The following ACER3 variants were observed in gnomAD, a reference collection of about 807,000 sequenced individuals.
ACER3 encodes the protein alkCDase 3.
Under a neutral mutation model 48.9 loss-of-function variants are expected in ACER3, and 16 were observed. That is an observed-to-expected ratio of 0.33 (90% CI 0.22 to 0.50). The LOEUF (loss-of-function observed/expected upper bound fraction) is 0.50. Among genes scored for constraint, ACER3 ranks in the 20% least tolerant of loss-of-function variants. The pLI, the probability that ACER3 is intolerant of heterozygous loss-of-function variation, is 0.98. For missense variants in ACER3, 227 were observed against 326.0 expected (o/e 0.70, Z 2.34); for synonymous variants, 109 against 107.8 (o/e 1.01, Z -0.07).
intron 1 of ACER3, among the ~76,000 whole-genome samples, chr11:76,908,363 G>A (rs778461652): frequency 2.6e-5 from 4 of 152,102 alleles, no homozygotes; most frequent in Non-Finnish European, 5.9e-5. Context: ...CATCGTCTCA[G>A]CCCAAAAACT....
At chr11:76,873,183 G>A (rs1468385038) in intron 1 of ACER3, among the ~76,000 whole-genome samples, 12 of 151,934 alleles carry the variant, frequency 7.9e-5, no homozygotes, top group African/African-American at 1.2e-4. Context: ...TTGGGATTAC[G>A]GGCATAAGCC....
intron 2 of ACER3, among the ~76,000 whole-genome samples, chr11:76,933,302 A>C (rs1197562685): frequency 1.1e-5 from 1 of 89,366 alleles, no homozygotes; most frequent in Non-Finnish European, 2.4e-5. Context: ...TATTTTTTTT[A>C]TTGATCATTC....
chr11:76,977,131 A>C (rs1434854890), intron 4 of ACER3, among the ~76,000 whole-genome samples: 1 of 152,268 alleles, frequency 6.6e-6, no homozygotes, highest in African/African-American at 2.4e-5. Flanking sequence ...AGTAAAGCAC[A>C]GAGAGATGTA....
chr11:76,952,584 T>C (rs1947708079), intron 2 of ACER3, among the ~76,000 whole-genome samples: 1 of 151,578 alleles, frequency 6.6e-6, no homozygotes, highest in Non-Finnish European at 1.5e-5. Flanking sequence ...AACATTTTTG[T>C]AAGTTTGAAA....
chr11:76,891,246 TAATATATATATAA>T (rs1945796639), intron 1 of ACER3, among the ~76,000 whole-genome samples: 1 of 32,834 alleles, frequency 3.0e-5, no homozygotes, highest in Non-Finnish European at 2.2e-4. Flanking sequence ...TTTATATATA[TAATATATATATAA>T]TATATATATA....
chr11:76,881,155 TGAGA>T (rs1945514842), intron 1 of ACER3, among the ~76,000 whole-genome samples: 1 of 151,284 alleles, frequency 6.6e-6, no homozygotes, highest in African/African-American at 2.4e-5. Context: ...CTTGGGAGGC[TGAGA>T]TGGAAGGATT....
chr11:76,913,560 C>G (rs1160213679), intron 1 of ACER3, among the ~76,000 whole-genome samples: 1 of 152,074 alleles, frequency 6.6e-6, no homozygotes, highest in Non-Finnish European at 1.5e-5. Flanking sequence ...ACCTAATTTA[C>G]AAATGGAAGA....
chr11:76,987,645 A>T (rs1236647672), intron 5 of ACER3, among the ~76,000 whole-genome samples: 1 of 152,164 alleles, frequency 6.6e-6, no homozygotes, highest in Non-Finnish European at 1.5e-5. Flanking sequence ...GGCCGTTAAG[A>T]TGACTAAAGG....
chr11:76,940,637 TCTC>T (rs1947312694), intron 2 of ACER3, among the ~76,000 whole-genome samples: 1 of 152,142 alleles, frequency 6.6e-6, no homozygotes, highest in South Asian at 2.1e-4. Flanking sequence ...TAACAATCCT[TCTC>T]TTCTTATCCA....
In ACER3 at chr11:77,016,686, A is replaced by G; in HGVS notation, c.611A>G (p.Lys204Arg). 1 of 1,573,092 alleles carries G rather than the reference A, an allele frequency of 6.4e-7. No individual in the cohort carries two copies. Among genetic ancestry groups the G allele is most frequent in the South Asian group, 1.2e-5 (1 of 84,748 alleles). ...IFCESLRNFR[K>R]KVPPIIGITT... The stretch of plus-strand genomic sequence containing the variant: ...CTCTCTCCACACAGGAACTTTCGAA[A>G]GAAGGTACCACCTATCATAGGTATT... Residue 204 changes from lysine (K) to arginine (R), a missense_variant, in exon 9 of 11, where the codon AAG becomes AGG. Physicochemically the swap from Lys to Arg is conservative, Grantham distance 26. Transcript: ENST00000532485.
At chr11:76,946,823 T>G (rs1290945973) in intron 2 of ACER3, among the ~76,000 whole-genome samples, 1 of 152,208 alleles carries the variant, frequency 6.6e-6, no homozygotes, top group African/African-American at 2.4e-5. Context: ...TTGATTCCCT[T>G]TCTGGAGCAA....
chr11:76,888,252 T>C (rs1172588514), intron 1 of ACER3, among the ~76,000 whole-genome samples: 1 of 152,228 alleles, frequency 6.6e-6, no homozygotes, highest in Non-Finnish European at 1.5e-5. Context: ...ATTTGTTTTT[T>C]AAGATGCTAG....
In ACER3 at chr11:77,008,878, G is replaced by A. The variant is rs577760933; in HGVS notation, c.498-6138G>A. Among the ~76,000 whole-genome samples the A allele has an allele frequency of 1.2e-4, 18 of 152,182 alleles. No homozygotes were observed. The South Asian group carries it at 3.3e-3, about 28-fold the overall frequency. Reference sequence around the variant, plus strand: ...TGAGACCAGGCTGGGCAATAATAGGGAGACCTAGTCTATACAAAAAGAAAT... The same window carrying A: ...TGAGACCAGGCTGGGCAATAATAGGAAGACCTAGTCTATACAAAAAGAAAT... On this transcript the variant is annotated intron_variant, in intron 7 of 10. Coordinates refer to ENST00000532485, the MANE Select transcript of ACER3 (RefSeq NM_018367.7).
At chr11:76,875,218 A>G (rs903228025) in intron 1 of ACER3, among the ~76,000 whole-genome samples, 1 of 144,206 alleles carries the variant, frequency 6.9e-6, no homozygotes, top group African/African-American at 2.5e-5. Context: ...GGTTCAAGTG[A>G]TTCTTGTGCC....
intron 6 of ACER3, among the ~76,000 whole-genome samples, chr11:76,995,700 C>G (rs965155446): frequency 2.6e-5 from 4 of 151,902 alleles, no homozygotes; most frequent in Non-Finnish European, 5.9e-5. Context: ...TCTATATAGT[C>G]GGAAGGAGAC....
rs140968798 is a variant in ACER3 at position 76,867,132 on chromosome 11, G to C, written c.103+6053G>C. Among the ~76,000 whole-genome samples, 1,011 of 152,230 alleles carry C rather than the reference G, an allele frequency of 6.6e-3. 7 individuals carry two copies. The highest frequency in any genetic ancestry group is 0.011 in the South Asian group (51 of 4,826). The stretch of plus-strand genomic sequence containing the variant: ...TTTACTGAGTACCTATTTTGTCACT[G>C]ACTAAGGCTATAAAACCATTTGAAG... On this transcript the variant is annotated intron_variant, in intron 1 of 10. Transcript: ENST00000532485.
At chr11:76,918,979 T>G (rs1023954376) in intron 1 of ACER3, among the ~76,000 whole-genome samples, 1 of 151,504 alleles carries the variant, frequency 6.6e-6, no homozygotes, top group African/African-American at 2.4e-5. Flanking sequence ...TTTGGCAAAA[T>G]GAACTTGCAT....
At chr11:76,872,898 C>CTTTT (rs1201710346) in intron 1 of ACER3, among the ~76,000 whole-genome samples, 1 of 110,612 alleles carries the variant, frequency 9.0e-6, no homozygotes, top group Non-Finnish European at 1.8e-5. Flanking sequence ...TTCTTTCTTT[C>CTTTT]TTTTTTCTTT....
At chr11:76,969,957 T>TAAA (rs35822676) in intron 3 of ACER3, among the ~76,000 whole-genome samples, 2 of 149,220 alleles carry the variant, frequency 1.3e-5, no homozygotes, top group East Asian at 2.0e-4. Context: ...ATAATAAAAT[T>TAAA]AAAAAAAAAA....
Sources: allele counts gnomAD v4.1 joint callset (sites outside exome capture counted in the v4.1 genomes callset), GRCh38; gene constraint gnomAD v4.1.1; transcripts MANE v1.5; gene names NCBI Gene and HGNC (gene_info 2026-07-23, HGNC 2026-07-21).